The following STYXL1 variants were observed in gnomAD, a reference collection of about 807,000 sequenced individuals.
STYXL1 encodes the protein serine/threonine/tyrosine interacting like 1, also known as serine/threonine/tyrosine-interacting-like protein 1.
A neutral mutation model predicts 36.4 loss-of-function variants in STYXL1; 32 were observed. The ratio of observed to expected loss-of-function variants is 0.88; its 90% CI spans 0.66 to 1.18. STYXL1 has a LOEUF of 1.18. STYXL1 is among the 50% of genes most tolerant of loss of function. STYXL1 has a pLI of 0.00. For missense variants in STYXL1, 354 were observed against 394.1 expected, an observed-to-expected ratio of 0.90 and a Z score of 0.86; for synonymous variants, 133 against 144.1, an observed-to-expected ratio of 0.92 and a Z score of 0.55.
intron 7 of STYXL1, among the ~76,000 whole-genome samples, chr7:76,002,635 T>C (rs577096582): frequency 6.4e-4 from 97 of 152,194 alleles, no homozygotes; most frequent in Non-Finnish European, 4.4e-5. Context: ...AAATAAAGGA[T>C]GGTTGGGGCT....
Position 76,013,823 on chromosome 7 carries a change from G to C in STYXL1, c.372C>G (p.Val124=). ...GCTCATAGCCCCCTTTCAGGATGTA[G>C]ACGGGGTGGTGGGTGAGGCGGGTCA... is the stretch of plus-strand genomic sequence containing the variant. ...RILTRLTHHP[V]YILKGGYERF... is the part of the protein sequence containing the mutation. The change falls in exon 5 of 9, where the codon GTC becomes GTG. Residue 124 remains valine, a synonymous_variant. Coordinates refer to ENST00000359697, the MANE Select transcript of STYXL1 (RefSeq NM_001317785.2). 6.2e-7 allele frequency: 1 copy of C among 1,614,082 alleles called. No individual in the cohort carries two copies.
intron 1 of STYXL1, among the ~76,000 whole-genome samples, chr7:76,046,839 T>C (rs945168353): frequency 5.3e-5 from 8 of 150,976 alleles, no homozygotes; most frequent in East Asian, 2.0e-4. Context: ...TTAGTAGAGA[T>C]GGGGTTTCAC....
intron 8 of STYXL1, among the ~76,000 whole-genome samples, chr7:76,000,017 C>T (rs183421766): frequency 6.6e-6 from 1 of 151,600 alleles, no homozygotes; most frequent in Admixed American, 6.6e-5. Context: ...ATGGTGAAAC[C>T]CTGTCTCTAC....
At chr7:75,999,755 A>G (rs1790634555) in intron 8 of STYXL1, among the ~76,000 whole-genome samples, 1 of 152,046 alleles carries the variant, frequency 6.6e-6, no homozygotes, top group African/African-American at 2.4e-5. Context: ...TATGTTGGCC[A>G]GGCTGGTCTT....
chr7:76,038,482 G>C (rs1323008244), intron 1 of STYXL1, among the ~76,000 whole-genome samples: 1 of 127,328 alleles, frequency 7.9e-6, no homozygotes, highest in Non-Finnish European at 1.8e-5. Flanking sequence ...CTGGAGTGCA[G>C]TGGCACGATC....
intron 1 of STYXL1, among the ~76,000 whole-genome samples, chr7:76,031,962 G>A (rs782243983): frequency 3.3e-5 from 5 of 152,162 alleles, no homozygotes; most frequent in Admixed American, 6.6e-5. Flanking sequence ...ATTGCAAGAT[G>A]CAAGAGCACT....
At chr7:76,022,338 GGA>G (rs1794176345) in intron 3 of STYXL1, among the ~76,000 whole-genome samples, 1 of 152,066 alleles carries the variant, frequency 6.6e-6, no homozygotes. Context: ...TTTCTCATGG[GGA>G]GAGTGTTTGG....
intron 4 of STYXL1, among the ~76,000 whole-genome samples, chr7:76,019,574 G>A (rs1793801184): frequency 6.6e-6 from 1 of 151,986 alleles, no homozygotes; most frequent in African/African-American, 2.4e-5. Flanking sequence ...AAAGTGCTGG[G>A]ATTACGAGTG....
chr7:76,013,742 C>A lies in STYXL1; in HGVS notation c.453G>T (p.Gln151His). The change falls in exon 5 of 9, where the codon CAG (glutamine) becomes CAT (histidine). Residue 151 changes from glutamine to histidine, a missense_variant and splice_region_variant. Transcript: ENST00000359697. Reference sequence around the variant, plus strand: ...GCCTGTGCTCAGCATTTGGCCCTACCTGAGGCATCCAGATGATCTTCTGGG... The same window carrying A: ...GCCTGTGCTCAGCATTTGGCCCTACATGAGGCATCCAGATGATCTTCTGGG... ...LRTQKIIWMP[Q>H]ELDAFQPYPI... 6.2e-7 allele frequency: 1 copy of A among 1,613,916 alleles called. No homozygotes were observed. The highest frequency in any genetic ancestry group is 8.5e-7 in the Non-Finnish European group (1 of 1,179,896).
chr7:76,023,799 T>C (rs1794358846), intron 3 of STYXL1, among the ~76,000 whole-genome samples: 2 of 152,110 alleles, frequency 1.3e-5, no homozygotes, highest in East Asian at 2.0e-4. Context: ...GCGGATCACC[T>C]GAGGTCAGTT....
intron 7 of STYXL1, 41 bp from the exon 8 acceptor site, chr7:76,001,043 C>T: frequency 6.6e-7 from 1 of 1,506,656 alleles, no homozygotes; most frequent in Non-Finnish European, 9.2e-7. Context: ...CCTGGCCCTC[C>T]TCCCTGTGGG....
At chr7:75,999,096 C>A in intron 8 of STYXL1, 1 of 158,166 alleles carries the variant, frequency 6.3e-6, no homozygotes, top group Non-Finnish European at 1.4e-5. Flanking sequence ...CGAGATTGTG[C>A]TACTGTACTC....
chr7:76,012,404 AT>A (rs1211760248), intron 5 of STYXL1, among the ~76,000 whole-genome samples: 1 of 151,314 alleles, frequency 6.6e-6, no homozygotes, highest in South Asian at 2.1e-4. Flanking sequence ...TTTCTAAATT[AT>A]TTTTTTGAGC....
At chr7:76,036,103 AT>A (rs1310343194) in intron 1 of STYXL1, among the ~76,000 whole-genome samples, 1 of 149,384 alleles carries the variant, frequency 6.7e-6, no homozygotes, top group African/African-American at 2.4e-5. Context: ...GAGTTTATTT[AT>A]TTACTTATTT....
chr7:76,021,891 T>G lies in STYXL1; in HGVS notation c.267A>C (p.Lys89Asn), dbSNP rs1554576345. The change falls in exon 4 of 9, where the codon AAA (lysine) becomes AAC (asparagine). Residue 89 changes from lysine to asparagine, a missense_variant. Coordinates refer to ENST00000359697, the MANE Select transcript of STYXL1 (RefSeq NM_001317785.2). ...NNSSTLEILLKDDDDDSDSDG... is the reference protein window; with the variant it reads ...NNSSTLEILLNDDDDDSDSDG... ...CAGAGTCTGAATCATCATCATCATC[T>G]TTTAAGAGTATCTCCAGGGTGCTGC... 4 of 1,613,642 alleles carry G rather than the reference T, an allele frequency of 2.5e-6. No homozygotes were observed. The highest frequency in any genetic ancestry group is 3.4e-6 in the Non-Finnish European group (4 of 1,179,984).
chr7:76,032,906 G>C lies in STYXL1; in HGVS notation c.-4-2379C>G, dbSNP rs576437198. ...AACATTCTGCTTGGAGCAGGGGCAAGTGCAGTACCTAAGAGAGTTCAAAGG... is the reference window on the plus strand; with the variant it reads ...AACATTCTGCTTGGAGCAGGGGCAACTGCAGTACCTAAGAGAGTTCAAAGG... On this transcript the variant is annotated intron_variant, in intron 1 of 8. Coordinates refer to ENST00000359697, the MANE Select transcript of STYXL1 (RefSeq NM_001317785.2). Among the ~76,000 whole-genome samples, 3 of 152,268 alleles carry C rather than the reference G, an allele frequency of 2.0e-5. No individual in the cohort carries two copies. In the East Asian group the frequency reaches 5.8e-4, roughly 29 times the overall value.
chr7:76,033,900 G>A (rs1181848366), intron 1 of STYXL1, among the ~76,000 whole-genome samples: 1 of 152,132 alleles, frequency 6.6e-6, no homozygotes, highest in African/African-American at 2.4e-5. Context: ...TCAGCTGCCT[G>A]GCCCTAAGGA....
At chr7:76,045,207 G>C (rs782706295) in intron 1 of STYXL1, 1 of 152,012 alleles carries the variant, frequency 6.6e-6, no homozygotes, top group Non-Finnish European at 1.5e-5. Context: ...CTTCCCATGA[G>C]ACTTCTCCCA....
At chr7:76,000,627 G>A (rs1453058699) in intron 8 of STYXL1, 3 of 569,392 alleles carry the variant, frequency 5.3e-6, no homozygotes, top group East Asian at 3.9e-5. Flanking sequence ...ACAGGTGGAC[G>A]GCCTGACAGC....
Sources: gnomAD v4.1 joint callset for allele counts (sites outside exome capture counted in the v4.1 genomes callset) on GRCh38, gnomAD v4.1.1 for gene constraint, MANE v1.5 for transcripts, NCBI Gene and HGNC (gene_info 2026-07-23, HGNC 2026-07-21) for gene names.